Variants in PACRG observed in about 807,000 individuals in gnomAD.
PACRG encodes the protein parkin coregulated gene protein.
A neutral mutation model predicts 29.7 loss-of-function variants in PACRG; 29 were observed. The ratio of observed to expected loss-of-function variants is 0.98; its 90% CI spans 0.73 to 1.33. PACRG has a LOEUF of 1.33. Ranked by LOEUF, PACRG falls within the 40% of genes most tolerant of loss-of-function variation. The pLI, the probability that PACRG is intolerant of heterozygous loss-of-function variation, is 0.00. For synonymous variants in PACRG, 116 were observed against 118.7 expected (o/e 0.98, Z 0.15); for missense variants, 279 against 316.2 (o/e 0.88, Z 0.89).
intron 2 of PACRG, among the ~76,000 whole-genome samples, chr6:163,023,206 A>G (rs1323057410): frequency 1.3e-5 from 2 of 152,170 alleles, no homozygotes; most frequent in African/African-American, 4.8e-5. Flanking sequence ...CCCGATGGGT[A>G]GTTTTTTAAC....
chr6:163,196,974 C>T lies in PACRG; in HGVS notation c.613+107566C>T, dbSNP rs533348280. ...AGATAGATAGATAGATAGATAGAGG[C>T]GGACAGACAGCTTGGTAAATGGGCA... On this transcript the variant is annotated intron_variant, in intron 4 of 4. Transcript: ENST00000366888. Among the ~76,000 whole-genome samples the T allele has an allele frequency of 5.4e-5, 8 of 147,636 alleles. No individual in the cohort carries two copies. In the South Asian group the frequency reaches 8.7e-4, roughly 16 times the overall value.
intron 2 of PACRG, among the ~76,000 whole-genome samples, chr6:162,968,357 T>C (rs1335946710): frequency 2.0e-5 from 3 of 152,240 alleles, no homozygotes; most frequent in Non-Finnish European, 2.9e-5. Flanking sequence ...GTTATATAAC[T>C]CCTTCTGCAA....
At chr6:163,058,145 C>T (rs1430424960) in intron 2 of PACRG, among the ~76,000 whole-genome samples, 1 of 152,150 alleles carries the variant, frequency 6.6e-6, no homozygotes, top group Non-Finnish European at 1.5e-5. Context: ...TTTACCCAAC[C>T]TCTAAGCTAT....
intron 4 of PACRG, among the ~76,000 whole-genome samples, chr6:163,277,011 G>A (rs1784051049): frequency 6.6e-6 from 1 of 152,150 alleles, no homozygotes; most frequent in South Asian, 2.1e-4. Flanking sequence ...TGTATTCGCT[G>A]TCCTCAGGAA....
chr6:162,786,125 G>A (rs1324342633), intron 1 of PACRG, among the ~76,000 whole-genome samples: 2 of 152,214 alleles, frequency 1.3e-5, no homozygotes, highest in Non-Finnish European at 2.9e-5. Context: ...GGCAGATAAG[G>A]TGCCCACTGA....
chr6:163,167,931 T>G (rs1778890988), intron 4 of PACRG, among the ~76,000 whole-genome samples: 1 of 152,236 alleles, frequency 6.6e-6, no homozygotes, highest in African/African-American at 2.4e-5. Flanking sequence ...TAACTATCAT[T>G]CAGATTGTGG....
chr6:163,283,807 CAAAAA>C (rs11342579), intron 4 of PACRG, among the ~76,000 whole-genome samples: 2 of 100,290 alleles, frequency 2.0e-5, no homozygotes. Flanking sequence ...GACTCCGTCT[CAAAAA>C]AAAAAAAAAA....
At chr6:163,052,949 C>T (rs932581018) in intron 2 of PACRG, among the ~76,000 whole-genome samples, 6 of 152,148 alleles carry the variant, frequency 3.9e-5, no homozygotes, top group Non-Finnish European at 7.4e-5. Flanking sequence ...TGAGTAAAAA[C>T]GCTTCACATT....
At chr6:163,100,705 G>T in intron 4 of PACRG, 1 of 829,186 alleles carries the variant, frequency 1.2e-6, no homozygotes, top group Non-Finnish European at 1.5e-6. Context: ...CTCTTAGTAT[G>T]AAATCAGCTT....
At chr6:163,253,789 T>C (rs1462442114) in intron 4 of PACRG, among the ~76,000 whole-genome samples, 1 of 152,228 alleles carries the variant, frequency 6.6e-6, no homozygotes. Context: ...ATTCCACTCT[T>C]GGATAATCAT....
At chr6:163,252,237 C>A (rs1002104562) in intron 4 of PACRG, among the ~76,000 whole-genome samples, 1 of 152,268 alleles carries the variant, frequency 6.6e-6, no homozygotes, top group Non-Finnish European at 1.5e-5. Flanking sequence ...CTGCTGTGAG[C>A]ACGCCCTCTG....
chr6:162,769,931 C>A (rs1422741465), intron 1 of PACRG, among the ~76,000 whole-genome samples: 1 of 151,900 alleles, frequency 6.6e-6, no homozygotes, highest in African/African-American at 2.4e-5. Flanking sequence ...TCGGATTTTT[C>A]AGATGTTTTT....
intron 2 of PACRG, among the ~76,000 whole-genome samples, chr6:162,956,506 A>C (rs1479240973): frequency 6.6e-6 from 1 of 152,242 alleles, no homozygotes; most frequent in Non-Finnish European, 1.5e-5. Flanking sequence ...GGCTCAAAAC[A>C]GCAGAAATTG....
chr6:163,103,807 G>A (rs1004800900), intron 4 of PACRG, among the ~76,000 whole-genome samples: 17 of 152,162 alleles, frequency 1.1e-4, no homozygotes, highest in Admixed American at 7.2e-4. Context: ...AGCGCAGCTC[G>A]ACACTGTATT....
intron 2 of PACRG, among the ~76,000 whole-genome samples, chr6:162,905,159 A>G (rs1286830685): frequency 6.6e-6 from 1 of 152,078 alleles, no homozygotes; most frequent in Non-Finnish European, 1.5e-5. Context: ...ACGCAGGAGG[A>G]CTGGAGAAGG....
rs996783031 is a variant in PACRG at position 162,814,377 on chromosome 6, G to A, written c.291+96G>A. 8.8e-6 allele frequency: 13 copies of A among 1,476,632 alleles called. No individual in the cohort carries two copies. In the African/African-American group the frequency reaches 1.7e-4, roughly 19 times the overall value. The allele number at this position is 1,476,632 out of a possible 1,614,324, so 91.5% of individuals were successfully genotyped here. A position where few individuals can be genotyped will look rare whatever the true frequency, so the allele number is the denominator to read the frequency against. On this transcript the variant is annotated intron_variant, in intron 2 of 4. Transcript: ENST00000366888. Reference sequence around the variant, plus strand: ...TGGCTGCTTAAGTAAATAAACTGGAGTCATTTCTCAGCACATGGAAGATGG... The same window carrying A: ...TGGCTGCTTAAGTAAATAAACTGGAATCATTTCTCAGCACATGGAAGATGG...
chr6:163,119,606 A>G (rs993538865), intron 4 of PACRG, among the ~76,000 whole-genome samples: 1 of 152,226 alleles, frequency 6.6e-6, no homozygotes, highest in Admixed American at 6.5e-5. Context: ...GTATTTTGCA[A>G]GCTTCATAAA....
chr6:163,021,517 C>T (rs899815929), intron 2 of PACRG, among the ~76,000 whole-genome samples: 1 of 152,188 alleles, frequency 6.6e-6, no homozygotes, highest in Non-Finnish European at 1.5e-5. Flanking sequence ...ATGTTTGTCT[C>T]GCTCCAGGCT....
Position 162,812,321 on chromosome 6 carries a change from A to G in PACRG, c.157-1826A>G, listed in dbSNP as rs1488745276. On this transcript the variant is annotated intron_variant, in intron 1 of 4. Coordinates refer to ENST00000366888, the MANE Select transcript of PACRG (RefSeq NM_001080379.2). ...CAAAAAGTTAAACAAGAAAAATAAA[A>G]TAAAATAAATGAGGCTTTTGCTGAC... Among the ~76,000 whole-genome samples, 9 of 152,260 alleles carry G rather than the reference A, an allele frequency of 5.9e-5. No homozygotes were observed. In the East Asian group the frequency reaches 1.7e-3, roughly 29 times the overall value.
Sources: allele counts gnomAD v4.1 joint callset (sites outside exome capture counted in the v4.1 genomes callset), GRCh38; gene constraint gnomAD v4.1.1; transcripts MANE v1.5; gene names NCBI Gene and HGNC (gene_info 2026-07-23, HGNC 2026-07-21).